NDUFA10: variants seen among roughly 807,000 people sequenced by gnomAD.
NDUFA10 encodes the protein NADH:ubiquinone oxidoreductase subunit A10.
NDUFA10 carries 40 observed loss-of-function variants against 47.8 expected under a neutral mutation model. That is an observed-to-expected ratio of 0.84 (90% CI 0.65 to 1.09). NDUFA10 has a LOEUF of 1.09. NDUFA10 is among the 50% of genes least tolerant of loss of function. NDUFA10 has a pLI of 0.00. For missense variants in NDUFA10, 413 were observed against 451.1 expected, an observed-to-expected ratio of 0.92 and a Z score of 0.76; for synonymous variants, 183 against 172.2, an observed-to-expected ratio of 1.06 and a Z score of -0.49.
chr2:239,983,806 T>C, intron 9 of NDUFA10: 1 of 1,501,882 alleles, frequency 6.7e-7, no homozygotes, highest in Non-Finnish European at 8.9e-7. Context: ...TCTGAGAAAA[T>C]GTTACAACCA....
chr2:239,975,466 C>T (rs1000957913), intron 9 of NDUFA10, among the ~76,000 whole-genome samples: 5 of 152,232 alleles, frequency 3.3e-5, no homozygotes, highest in Admixed American at 2.0e-4. Context: ...CATGGCCGCC[C>T]GGCCACACTT....
intron 4 of NDUFA10, among the ~76,000 whole-genome samples, chr2:239,927,104 G>C (rs1694079077): frequency 6.6e-6 from 1 of 152,178 alleles, no homozygotes; most frequent in Non-Finnish European, 1.5e-5. Context: ...TTCAAGATGA[G>C]ACTTGGGTGG....
At chr2:239,936,031 C>G (rs1694261249) in intron 4 of NDUFA10, among the ~76,000 whole-genome samples, 1 of 152,222 alleles carries the variant, frequency 6.6e-6, no homozygotes, top group Admixed American at 6.5e-5. Context: ...CTCCCGGCTC[C>G]CCCAGGGCTG....
rs777331871 is a variant in NDUFA10, at chr2:240,017,941, C to T, written c.547+612G>A. On this transcript the variant is annotated intron_variant, in intron 4 of 9. Transcript: ENST00000252711. ...AAATGCCGTCAGTCAGACTGTCCACCAGGCCTATTCAACCCACCGCCCAAC... is the reference window on the plus strand; with the variant it reads ...AAATGCCGTCAGTCAGACTGTCCACTAGGCCTATTCAACCCACCGCCCAAC... The T allele has an allele frequency of 3.6e-5, 55 of 1,517,462 alleles. No homozygotes were observed. The South Asian group carries it at 6.4e-4, about 18-fold the overall frequency. 94.0% of individuals were successfully genotyped at this position (1,517,462 alleles called of 1,614,324 possible).
chr2:240,015,695 C>T (rs1053019509), intron 4 of NDUFA10, among the ~76,000 whole-genome samples: 1 of 142,758 alleles, frequency 7.0e-6, no homozygotes, highest in Non-Finnish European at 1.5e-5. Context: ...TGCACCTGCA[C>T]ATGCTCATGC....
At chr2:239,950,868 A>G (rs1459468255) in intron 4 of NDUFA10, among the ~76,000 whole-genome samples, 6 of 152,170 alleles carry the variant, frequency 3.9e-5, no homozygotes, top group African/African-American at 1.4e-4. Context: ...GTTGTGTGAC[A>G]CTGTCCAACA....
At chr2:239,950,577 G>A (rs1694534582) in intron 4 of NDUFA10, among the ~76,000 whole-genome samples, 1 of 152,196 alleles carries the variant, frequency 6.6e-6, no homozygotes, top group African/African-American at 2.4e-5. Flanking sequence ...ACACGGATGA[G>A]AGCTCATTAT....
intron 4 of NDUFA10, chr2:240,018,351 C>A (rs1697453097): frequency 1.4e-6 from 2 of 1,469,896 alleles, no homozygotes; most frequent in African/African-American, 1.4e-5. Context: ...GACATGACAG[C>A]ACAAAAGACA....
chr2:239,909,873 C>T (rs762012461), intron 4 of NDUFA10, among the ~76,000 whole-genome samples: 14 of 151,112 alleles, frequency 9.3e-5, no homozygotes, highest in African/African-American at 2.7e-4. Context: ...GATCTAATAT[C>T]GAGTCTACAA....
chr2:239,951,541 C>T (rs1048022898), intron 4 of NDUFA10, among the ~76,000 whole-genome samples: 5 of 152,162 alleles, frequency 3.3e-5, no homozygotes, highest in Non-Finnish European at 7.4e-5. Flanking sequence ...CTCGCCACAC[C>T]CTCCCTGGGT....
intron 4 of NDUFA10, among the ~76,000 whole-genome samples, chr2:239,929,593 C>T (rs1397633398): frequency 2.6e-5 from 4 of 152,046 alleles, no homozygotes; most frequent in Admixed American, 1.3e-4. Context: ...CCTGCTCCTC[C>T]GCCGGCCCTG....
At position 239,999,402 on chromosome 2, in the gene NDUFA10, G is replaced by A. The variant is rs574893647; in HGVS notation, c.890+5808C>T. ...GCCCAGAGGCTGGCTCCTTGCATCC[G>A]AGGGGCTCTACTGCCCTCTGACTTC... On this transcript the variant is annotated intron_variant, in intron 8 of 9. Coordinates refer to ENST00000252711, the MANE Select transcript of NDUFA10 (RefSeq NM_004544.4). Among the ~76,000 whole-genome samples the A allele has an allele frequency of 2.0e-5, 3 of 152,276 alleles. No homozygotes were observed. In the South Asian group the frequency reaches 6.2e-4, roughly 32 times the overall value.
At chr2:239,985,212 C>T (rs913188584) in intron 9 of NDUFA10, among the ~76,000 whole-genome samples, 1 of 152,172 alleles carries the variant, frequency 6.6e-6, no homozygotes, top group African/African-American at 2.4e-5. Context: ...CACAGGCCTA[C>T]AAAAGACACA....
chr2:239,991,781 A>G (rs1317030990), intron 8 of NDUFA10, among the ~76,000 whole-genome samples: 1 of 152,234 alleles, frequency 6.6e-6, no homozygotes, highest in Admixed American at 6.5e-5. Context: ...ATGTTAACAA[A>G]TATCAATGTA....
intron 9 of NDUFA10, among the ~76,000 whole-genome samples, chr2:239,982,911 T>C (rs1168322575): frequency 2.6e-5 from 4 of 152,138 alleles, no homozygotes; most frequent in Non-Finnish European, 5.9e-5. Flanking sequence ...GTCTGTCGGG[T>C]GGCCAGATAA....
chr2:239,920,416 A>T (rs546188152), intron 4 of NDUFA10, among the ~76,000 whole-genome samples: 1 of 152,296 alleles, frequency 6.6e-6, no homozygotes, highest in South Asian at 2.1e-4. Flanking sequence ...CCTGGGGCAG[A>T]TCCTGGAGGC....
intron 9 of NDUFA10, among the ~76,000 whole-genome samples, chr2:239,986,502 G>A (rs1696008042): frequency 6.6e-6 from 1 of 152,212 alleles, no homozygotes. Flanking sequence ...TGGAACTGAA[G>A]ACACTGGTGT....
At chr2:239,955,231 G>A (rs925673452), downstream of NDUFA10, among the ~76,000 whole-genome samples, 17 of 152,136 alleles carry the variant, frequency 1.1e-4, no homozygotes, top group East Asian at 5.8e-4. Context: ...ACACTGGGGC[G>A]GGGGGCGAGG....
At chr2:240,017,840 A>G (rs1046183130) in intron 4 of NDUFA10, 1 of 1,566,662 alleles carries the variant, frequency 6.4e-7, no homozygotes, top group East Asian at 2.4e-5. Context: ...CTCCTCTTTC[A>G]TTAATCAACA....
Sources: gnomAD v4.1 joint callset for allele counts (sites outside exome capture counted in the v4.1 genomes callset) on GRCh38, gnomAD v4.1.1 for gene constraint, MANE v1.5 for transcripts, NCBI Gene and HGNC (gene_info 2026-07-23, HGNC 2026-07-21) for gene names.